The following SCOC variants were observed in gnomAD, a reference collection of about 807,000 sequenced individuals.
SCOC encodes short coiled coil protein.
Under a neutral mutation model 9.9 loss-of-function variants are expected in SCOC, and 7 were observed. That is an observed-to-expected ratio of 0.71 (90% confidence interval 0.40 to 1.33). The LOEUF is 1.33. Ranked by LOEUF, SCOC falls within the 40% of genes most tolerant of loss-of-function variation. The pLI is 0.01. For synonymous variants in SCOC, 19 were observed against 28.2 expected, an observed-to-expected ratio of 0.67 and a Z score of 1.03; for missense variants, 66 against 89.7, an observed-to-expected ratio of 0.74 and a Z score of 1.07.
intron 1 of SCOC, among the ~76,000 whole-genome samples, chr4:140,286,016 C>T (rs913775374): frequency 6.6e-6 from 1 of 152,034 alleles, no homozygotes; most frequent in Non-Finnish European, 1.5e-5. Flanking sequence ...GAAATCCCAT[C>T]TCTACTAAAA....
chr4:140,348,182 T>C (rs1431955325), intron 2 of SCOC, among the ~76,000 whole-genome samples: 1 of 152,142 alleles, frequency 6.6e-6, no homozygotes, highest in Non-Finnish European at 1.5e-5. Flanking sequence ...AAATCTACTC[T>C]CTTTGAAATA....
intron 2 of SCOC, among the ~76,000 whole-genome samples, chr4:140,351,136 G>C (rs1726959219): frequency 6.6e-6 from 1 of 151,696 alleles, no homozygotes; most frequent in South Asian, 2.1e-4. Context: ...GTTGCAGTGA[G>C]CCGAGATCGC....
At position 140,322,297 on chromosome 4, in the gene SCOC, C is replaced by T. The variant is rs565334714; in HGVS notation, c.-18-21324C>T. On this transcript the variant is annotated intron_variant, in intron 1 of 4. Transcript: ENST00000394205. ...GAATGCTGGAAAAAGCCTATATTGC[C>T]GTGAGAATACATTAAGAGCATTGAG... is the stretch of plus-strand genomic sequence containing the variant. Among the ~76,000 whole-genome samples, 22 of 152,160 alleles carry T rather than the reference C, an allele frequency of 1.4e-4. No homozygotes were observed. The South Asian group carries it at 2.7e-3, about 19-fold the overall frequency.
intron 1 of SCOC, among the ~76,000 whole-genome samples, chr4:140,377,029 A>G (rs887329994): frequency 2.6e-5 from 4 of 152,232 alleles, no homozygotes; most frequent in Non-Finnish European, 5.9e-5. Context: ...TTAATTTATT[A>G]TTTAGCAAAG....
At chr4:140,366,869 C>T (rs555486833) in intron 2 of SCOC, 29 of 741,396 alleles carry the variant, frequency 3.9e-5, no homozygotes, top group South Asian at 3.2e-4. Context: ...ATGTTGGTGG[C>T]GTTTGGCAAG....
intron 2 of SCOC, among the ~76,000 whole-genome samples, chr4:140,348,208 TA>T (rs989986796): frequency 3.3e-5 from 5 of 152,160 alleles, no homozygotes; most frequent in African/African-American, 9.7e-5. Flanking sequence ...GTATACAATA[TA>T]TTGTTTTTAA....
chr4:140,283,240 T>TA (rs1731139048), intron 1 of SCOC, among the ~76,000 whole-genome samples: 1 of 152,224 alleles, frequency 6.6e-6, no homozygotes, highest in African/African-American at 2.4e-5. Flanking sequence ...CTATACCTTA[T>TA]AAAAATTAGA....
intron 1 of SCOC, among the ~76,000 whole-genome samples, chr4:140,303,999 T>C (rs1731889209): frequency 6.6e-6 from 1 of 152,220 alleles, no homozygotes; most frequent in Non-Finnish European, 1.5e-5. Flanking sequence ...CAAAGTTGAT[T>C]AAGACATGCT....
intron 2 of SCOC, among the ~76,000 whole-genome samples, chr4:140,362,238 AAAAC>A (rs1317267456): frequency 1.4e-5 from 2 of 140,124 alleles, no homozygotes; most frequent in Non-Finnish European, 3.1e-5. Context: ...CAATTGTTTT[AAAAC>A]AAACTAAAGA....
At chr4:140,377,815 T>G (rs1229903605) in intron 1 of SCOC, among the ~76,000 whole-genome samples, 9 of 152,202 alleles carry the variant, frequency 5.9e-5, no homozygotes, top group Admixed American at 5.9e-4. Context: ...GATATCCTTA[T>G]TTAATAGGTC....
At chr4:140,282,551 T>C (rs1407082107) in intron 1 of SCOC, among the ~76,000 whole-genome samples, 2 of 152,310 alleles carry the variant, frequency 1.3e-5, no homozygotes, top group African/African-American at 4.8e-5. Flanking sequence ...TATATTCCTA[T>C]TGTTTTATTA....
chr4:140,379,714 A>G, intron 3 of SCOC, 62 bp downstream of exon 3: 1 of 1,220,212 alleles, frequency 8.2e-7, no homozygotes, highest in Non-Finnish European at 1.2e-6. Flanking sequence ...GTAAAAATTT[A>G]TATTGCTAAA....
At chr4:140,373,570 C>T (rs866754300), upstream of SCOC, 3 of 1,551,684 alleles carry the variant, frequency 1.9e-6, no homozygotes, top group South Asian at 1.2e-5. Context: ...TCAGGATTGG[C>T]GGGCGAGCGG....
intron 2 of SCOC, chr4:140,366,689 T>A: frequency 5.0e-6 from 8 of 1,593,508 alleles, no homozygotes; most frequent in Non-Finnish European, 6.9e-6. Flanking sequence ...TTGAAATCAG[T>A]GAGCTGCATG....
chr4:140,316,702 T>A (rs1732329758), intron 1 of SCOC, among the ~76,000 whole-genome samples: 1 of 152,138 alleles, frequency 6.6e-6, no homozygotes, highest in South Asian at 2.1e-4. Context: ...AAGGAATCAT[T>A]ACAATTGAGG....
intron 2 of SCOC, among the ~76,000 whole-genome samples, chr4:140,362,299 C>CTTTT (rs1183789218): frequency 3.1e-4 from 12 of 38,364 alleles, no homozygotes; most frequent in Non-Finnish European, 6.1e-4. Context: ...TCTTCTTCTT[C>CTTTT]TTTTTTTTTT....
chr4:140,359,416 A>G (rs943308037), intron 2 of SCOC, among the ~76,000 whole-genome samples: 1 of 152,040 alleles, frequency 6.6e-6, no homozygotes, highest in Non-Finnish European at 1.5e-5. Context: ...ATGTTCTAAG[A>G]CCAACAAGGA....
chr4:140,348,653 G>A (rs918615425), intron 2 of SCOC, among the ~76,000 whole-genome samples: 6 of 151,992 alleles, frequency 3.9e-5, no homozygotes, highest in Non-Finnish European at 5.9e-5. Context: ...CTTGGCTATT[G>A]TGAATTATGA....
chr4:140,378,323 A>T (rs781564862), intron 1 of SCOC, among the ~76,000 whole-genome samples: 19 of 151,990 alleles, frequency 1.3e-4, no homozygotes, highest in Non-Finnish European at 1.5e-4. Flanking sequence ...CCATACCGTC[A>T]TCCTTAATAT....
Sources: allele counts gnomAD v4.1 joint callset (sites outside exome capture counted in the v4.1 genomes callset), GRCh38; gene constraint gnomAD v4.1.1; transcripts MANE v1.5; gene names NCBI Gene and HGNC (gene_info 2026-07-23, HGNC 2026-07-21).